The following ASF1B variants were observed in gnomAD, a reference collection of about 807,000 sequenced individuals.
The protein encoded by ASF1B is histone chaperone ASF1B.
A neutral mutation model predicts 16.6 loss-of-function variants in ASF1B; 10 were observed. That is an observed-to-expected ratio of 0.60 (90% CI 0.37 to 1.02). The LOEUF (loss-of-function observed/expected upper bound fraction) is 1.02, where lower values mean the gene tolerates loss of function less well. Ranked by LOEUF, ASF1B falls within the 50% of genes least tolerant of loss-of-function variation. The pLI is 0.01. For synonymous variants in ASF1B, 101 were observed against 106.2 expected (o/e 0.95, Z 0.30); for missense variants, 240 against 266.0 (o/e 0.90, Z 0.68).
chr19:14,132,637 G>A (rs767040373), intron 1 of ASF1B, among the ~76,000 whole-genome samples: 1 of 152,168 alleles, frequency 6.6e-6, no homozygotes, highest in Non-Finnish European at 1.5e-5. Flanking sequence ...GGCCAACATG[G>A]TGAAACCTCG....
chr19:14,126,997 CTG>C (rs1967328512), intron 1 of ASF1B, among the ~76,000 whole-genome samples: 1 of 152,226 alleles, frequency 6.6e-6, no homozygotes, highest in African/African-American at 2.4e-5. Context: ...TCATGGCTCA[CTG>C]TAGCCTCAAC....
intron 2 of ASF1B, 22 bp downstream of exon 2, chr19:14,126,100 C>G: frequency 6.5e-7 from 1 of 1,540,380 alleles, no homozygotes; most frequent in Non-Finnish European, 8.9e-7. Flanking sequence ...AGGGCTAAGG[C>G]CTAAGGCCTC....
chr19:14,127,839 T>C lies in ASF1B; in HGVS notation c.110-1602A>G, dbSNP rs535600983. Among the ~76,000 whole-genome samples, 34 of 152,288 alleles carry C rather than the reference T, an allele frequency of 2.2e-4. No homozygotes were observed. In the East Asian group the frequency reaches 6.2e-3, roughly 28 times the overall value. On this transcript the variant is annotated intron_variant, in intron 1 of 3. Coordinates refer to ENST00000263382, the MANE Select transcript of ASF1B (RefSeq NM_018154.3). ...TTTTAGTAGAGATGGGGTTTCACCA[T>C]GTTGGCCAGGTTGGTCTCGAACTCC...
Position 14,136,324 on chromosome 19 carries a change from GTC to G in ASF1B, c.109+22_109+23del, listed in dbSNP as rs774967128. On this transcript the variant is annotated intron_variant, in intron 1 of 3. Transcript: ENST00000263382. Reference sequence around the variant, plus strand: ...GGCCGGGGTCGGCCCGGGGGTGGGGGTCCCCGCACAGGCCCAGCCTCACCGTC... The same window carrying G: ...GGCCGGGGTCGGCCCGGGGGTGGGGGCCCGCACAGGCCCAGCCTCACCGTC... 1.7e-5 allele frequency: 27 copies of G among 1,599,600 alleles called. No homozygotes were observed. In the Admixed American group the frequency reaches 4.6e-4, roughly 27 times the overall value.
Position 14,136,532 on chromosome 19 carries a change from C to CAGTGGGGTA in ASF1B, c.-85_-77dup. The CAGTGGGGTA allele has an allele frequency of 7.5e-7, 1 of 1,335,516 alleles. No individual in the cohort carries two copies. The highest frequency in any genetic ancestry group is 1.3e-5 in the South Asian group (1 of 78,450). The allele number at this position is 1,335,516 out of a possible 1,614,324, so 82.7% of individuals were successfully genotyped here. A position where few individuals can be genotyped will look rare whatever the true frequency, so the allele number is the denominator to read the frequency against. On this transcript the variant is annotated 5_prime_UTR_variant, in exon 1 of 4. Transcript: ENST00000263382. Reference sequence around the variant, plus strand: ...AGGCCGCGCCTGGGTCCGGTGGGGTCAGTGGGGTAGGGCTGACCAGGTCCA... The same window carrying CAGTGGGGTA: ...AGGCCGCGCCTGGGTCCGGTGGGGTCAGTGGGGTAAGTGGGGTAGGGCTGACCAGGTCCA...
At position 14,121,566 on chromosome 19, in the gene ASF1B, C is replaced by T. The variant is rs758101896; in HGVS notation, c.368G>A (p.Arg123His). 23 of 1,613,930 alleles carry T rather than the reference C, an allele frequency of 1.4e-5. No homozygotes were observed. The highest frequency in any genetic ancestry group is 3.3e-5 in the South Asian group (3 of 91,056). Residue 123 changes from arginine (R) to histidine (H), a missense_variant, in exon 3 of 4, where the codon CGT (arginine) becomes CAT (histidine). Arg to His is a conservative substitution (Grantham distance 29). Transcript: ENST00000263382. ...ATCTGGCTTCATGGGCGGGTTCTCA[C>T]GCAGCTCAGGGTTGAGGTACTCGTT... ...VNNEYLNPEL[R>H]ENPPMKPDFS... is the part of the protein sequence containing the mutation.
chr19:14,123,359 C>A (rs537815001), intron 2 of ASF1B, among the ~76,000 whole-genome samples: 2 of 151,132 alleles, frequency 1.3e-5, no homozygotes, highest in African/African-American at 4.9e-5. Context: ...TCAGAATCTC[C>A]ATTTGTTTTT....
At position 14,120,375 on chromosome 19, in the gene ASF1B, A is replaced by C; in HGVS notation, c.*84T>G. 1 of 1,398,598 alleles carries C rather than the reference A, an allele frequency of 7.2e-7. No individual in the cohort carries two copies. The highest frequency in any genetic ancestry group is 9.8e-7 in the Non-Finnish European group (1 of 1,016,842). The allele number at this position is 1,398,598 out of a possible 1,614,324, so 86.6% of individuals were successfully genotyped here. ...CCTGGATTGCAGCTGATGGCCCCCAAAGTCCTCTAGATGGGCCCTGCAGGA... is the reference window on the plus strand; with the variant it reads ...CCTGGATTGCAGCTGATGGCCCCCACAGTCCTCTAGATGGGCCCTGCAGGA... On this transcript the variant is annotated 3_prime_UTR_variant, in exon 4 of 4. Coordinates refer to ENST00000263382, the MANE Select transcript of ASF1B (RefSeq NM_018154.3).
chr19:14,129,405 G>A (rs916531714), intron 1 of ASF1B, among the ~76,000 whole-genome samples: 17 of 152,184 alleles, frequency 1.1e-4, no homozygotes, highest in Middle Eastern at 3.4e-3. Context: ...GGTTGGGCAC[G>A]GCAGCTCACA....
chr19:14,123,601 C>CA (rs1402968342), intron 2 of ASF1B, among the ~76,000 whole-genome samples: 1 of 151,754 alleles, frequency 6.6e-6, no homozygotes, highest in Non-Finnish European at 1.5e-5. Context: ...AAGATGGTCT[C>CA]AATCTCCTGA....
At chr19:14,133,191 T>A (rs958757326) in intron 1 of ASF1B, among the ~76,000 whole-genome samples, 1 of 152,118 alleles carries the variant, frequency 6.6e-6, no homozygotes, top group South Asian at 2.1e-4. Context: ...ATTTTGAGTG[T>A]CCTGATTAGG....
intron 1 of ASF1B, among the ~76,000 whole-genome samples, chr19:14,134,464 GCCC>G (rs1240556810): frequency 1.3e-5 from 2 of 151,806 alleles, no homozygotes; most frequent in South Asian, 2.1e-4. Flanking sequence ...ACACCTACCT[GCCC>G]CCGAGAGGCA....
chr19:14,134,580 C>T (rs1478282915), intron 1 of ASF1B, among the ~76,000 whole-genome samples: 1 of 152,088 alleles, frequency 6.6e-6, no homozygotes, highest in Non-Finnish European at 1.5e-5. Flanking sequence ...TAATGGAGTA[C>T]TTCTTCCTGA....
At chr19:14,133,796 C>A (rs1347825106) in intron 1 of ASF1B, among the ~76,000 whole-genome samples, 3 of 139,032 alleles carry the variant, frequency 2.2e-5, no homozygotes, top group Non-Finnish European at 3.1e-5. Flanking sequence ...ACCGCACAAC[C>A]ATTTTTTTTT....
At chr19:14,136,321 G>A in intron 1 of ASF1B, 27 bp downstream of exon 1, 2 of 1,597,492 alleles carry the variant, frequency 1.3e-6, no homozygotes, top group South Asian at 1.1e-5. Context: ...CCCGGGGGTG[G>A]GGGTCCCCGC....
chr19:14,122,882 T>G (rs1967261681), intron 2 of ASF1B, among the ~76,000 whole-genome samples: 1 of 152,058 alleles, frequency 6.6e-6, no homozygotes, highest in Non-Finnish European at 1.5e-5. Flanking sequence ...GCCACATCAC[T>G]CTTGTGATCT....
Position 14,126,252 on chromosome 19 carries a change from G to A in ASF1B, c.110-15C>T. 1.3e-6 allele frequency: 2 copies of A among 1,586,536 alleles called. No homozygotes were observed. Among genetic ancestry groups the A allele is most frequent in the Non-Finnish European group, 1.7e-6 (2 of 1,159,640 alleles). ...CCACTCCAGGTCTGCAAAGATATAG[G>A]AGGGTTAACTAATTGAAATAGCTCA... On this transcript the variant is annotated splice_polypyrimidine_tract_variant and intron_variant, in intron 1 of 3. Coordinates refer to ENST00000263382, the MANE Select transcript of ASF1B (RefSeq NM_018154.3).
intron 3 of ASF1B, 143 bp from the exon 4 acceptor site, chr19:14,120,808 C>CT (rs1967224026): frequency 1.5e-6 from 1 of 653,150 alleles, no homozygotes; most frequent in Non-Finnish European, 2.6e-6. Context: ...TGGCCAGGAC[C>CT]TTATTTATTT....
At chr19:14,130,460 G>A (rs1190438174) in intron 1 of ASF1B, among the ~76,000 whole-genome samples, 1 of 150,654 alleles carries the variant, frequency 6.6e-6, no homozygotes, top group Non-Finnish European at 1.5e-5. Flanking sequence ...CTTAAGCCCA[G>A]GAGTTCAAGT....
Sources: allele counts gnomAD v4.1 joint callset (sites outside exome capture counted in the v4.1 genomes callset), GRCh38; gene constraint gnomAD v4.1.1; transcripts MANE v1.5; gene names NCBI Gene and HGNC (gene_info 2026-07-23, HGNC 2026-07-21).